Variants in GKAP1 observed in about 807,000 individuals in gnomAD.
The protein encoded by GKAP1 is G kinase-anchoring protein 1.
GKAP1 carries 31 observed loss-of-function variants against 56.7 expected under a neutral mutation model. The observed-to-expected ratio is 0.55, with a 90% CI of 0.41 to 0.74. The LOEUF is 0.74. Ranked by LOEUF, GKAP1 falls within the 30% of genes least tolerant of loss-of-function variation. GKAP1 has a pLI of 0.00. For missense variants in GKAP1, 364 were observed against 402.3 expected (o/e 0.90, Z 0.82); for synonymous variants, 151 against 138.6 (o/e 1.09, Z -0.63).
chr9:83,760,558 G>C (rs960212413), intron 8 of GKAP1, among the ~76,000 whole-genome samples: 1 of 152,104 alleles, frequency 6.6e-6, no homozygotes, highest in East Asian at 1.9e-4. Context: ...GACAGCTGCA[G>C]AATACACATT....
In GKAP1 at chr9:83,799,285, T is replaced by C; in HGVS notation, c.260A>G (p.His87Arg). 1 of 1,601,210 alleles carries C rather than the reference T, an allele frequency of 6.2e-7. No individual in the cohort carries two copies. The highest frequency in any genetic ancestry group is 1.8e-5 in the Admixed American group (1 of 56,230). The change falls in exon 4 of 13, where the codon CAT becomes CGT. Residue 87 changes from histidine (H) to arginine (R), a missense_variant. Coordinates refer to ENST00000376371, the MANE Select transcript of GKAP1 (RefSeq NM_025211.4). Reference sequence around the variant, plus strand: ...ATCATGTTGAGCGTTACAAACAGCATGGGAGGATTTCTGGGGAATTTTCTT... The same window carrying C: ...ATCATGTTGAGCGTTACAAACAGCACGGGAGGATTTCTGGGGAATTTTCTT... Reference protein sequence around the residue: ...AFKKIPQKSSHAVCNAQHDLP... With the variant: ...AFKKIPQKSSRAVCNAQHDLP...
chr9:83,800,165 G>C (rs1233605073), intron 3 of GKAP1, among the ~76,000 whole-genome samples: 1 of 151,870 alleles, frequency 6.6e-6, no homozygotes, highest in Non-Finnish European at 1.5e-5. Flanking sequence ...AATAATCTGA[G>C]ACAAAGTAGT....
At position 83,774,701 on chromosome 9, in the gene GKAP1, CCTTT is replaced by C. The variant is rs1474617949; in HGVS notation, c.585+5677_585+5680del. Among the ~76,000 whole-genome samples the C allele has an allele frequency of 5.9e-5, 6 of 100,940 alleles. No homozygotes were observed. In the East Asian group the frequency reaches 9.7e-4, roughly 16 times the overall value. 66.2% of individuals were successfully genotyped at this position (100,940 alleles called of 152,430 possible). On this transcript the variant is annotated intron_variant, in intron 7 of 12. Transcript: ENST00000376371. ...AGAAACTATCAATAAACAGAAACCCCCTTTTTTTTTTTTTTTTTTTTTTTTTTGA... is the reference window on the plus strand; with the variant it reads ...AGAAACTATCAATAAACAGAAACCCCTTTTTTTTTTTTTTTTTTTTTTTGA...
Position 83,753,336 on chromosome 9 carries a change from T to C in GKAP1, c.762A>G (p.Arg254=). Reference sequence around the variant, plus strand: ...CAAGCTCTAACTTTAGTCTTTCAATTCTTCCATCTTTCAGAACCACTTCCT... The same window carrying C: ...CAAGCTCTAACTTTAGTCTTTCAATCCTTCCATCTTTCAGAACCACTTCCT... ...HNQEVVLKDG[R]IERLKLELER... The change falls in exon 9 of 13, where the codon AGA becomes AGG. Residue 254 remains arginine (R), a synonymous_variant. Transcript: ENST00000376371. 6.2e-7 allele frequency: 1 copy of C among 1,606,448 alleles called. No individual in the cohort carries two copies. The highest frequency in any genetic ancestry group is 1.7e-5 in the Admixed American group (1 of 59,884).
At chr9:83,808,385 C>T (rs1944466806) in intron 2 of GKAP1, among the ~76,000 whole-genome samples, 1 of 152,076 alleles carries the variant, frequency 6.6e-6, no homozygotes, top group South Asian at 2.1e-4. Flanking sequence ...CACTGGAGGC[C>T]AGGAGTTCGA....
chr9:83,766,371 T>C (rs1943663515), intron 8 of GKAP1, among the ~76,000 whole-genome samples: 2 of 147,642 alleles, frequency 1.4e-5, no homozygotes, highest in African/African-American at 5.0e-5. Context: ...GGATTGTACA[T>C]AAAATTTGGA....
At chr9:83,801,396 G>GGTT (rs1554746172) in intron 3 of GKAP1, among the ~76,000 whole-genome samples, 1 of 50,934 alleles carries the variant, frequency 2.0e-5, no homozygotes, top group Non-Finnish European at 4.0e-5. Flanking sequence ...CCAAGTTTGT[G>GGTT]TTTTTTTTTT....
chr9:83,810,681 C>T (rs1366495492), intron 2 of GKAP1, among the ~76,000 whole-genome samples: 1 of 152,170 alleles, frequency 6.6e-6, no homozygotes, highest in Non-Finnish European at 1.5e-5. Flanking sequence ...TACTACTTAA[C>T]GTAAGTACTT....
intron 4 of GKAP1, among the ~76,000 whole-genome samples, chr9:83,794,271 C>T (rs1944208397): frequency 6.6e-6 from 1 of 152,162 alleles, no homozygotes; most frequent in Non-Finnish European, 1.5e-5. Context: ...AGCCAAGGGA[C>T]CTGTAGGAGT....
chr9:83,766,396 A>G lies in GKAP1; in HGVS notation c.738+2422T>C, dbSNP rs529963719. ...TAAAATTTGGAAGTTGAGGAAAGAC[A>G]GGAAAACAATTAAATTTAATTCAAT... On this transcript the variant is annotated intron_variant, in intron 8 of 12. Coordinates refer to ENST00000376371, the MANE Select transcript of GKAP1 (RefSeq NM_025211.4). Among the ~76,000 whole-genome samples, 4 of 77,744 alleles carry G rather than the reference A, an allele frequency of 5.1e-5. No individual in the cohort carries two copies. The East Asian group carries it at 1.7e-3, about 33-fold the overall frequency. The allele number at this position is 77,744 out of a possible 152,430, so 51.0% of individuals were successfully genotyped here. A position where few individuals can be genotyped will look rare whatever the true frequency, so the allele number is the denominator to read the frequency against.
intron 6 of GKAP1, among the ~76,000 whole-genome samples, chr9:83,780,785 A>G (rs113019045): frequency 0.014 from 2,101 of 152,326 alleles, 29 homozygotes; most frequent in South Asian, 0.034. Flanking sequence ...ACAGGTTACT[A>G]TAACTACAAA....
intron 5 of GKAP1, among the ~76,000 whole-genome samples, chr9:83,788,182 G>A (rs959021825): frequency 2.6e-5 from 4 of 152,204 alleles, no homozygotes; most frequent in African/African-American, 9.7e-5. Context: ...GGAGGCTGAG[G>A]CGTGAGAATC....
chr9:83,779,440 T>TACACAC (rs1417549993), intron 7 of GKAP1, among the ~76,000 whole-genome samples: 1 of 71,206 alleles, frequency 1.4e-5, no homozygotes, highest in East Asian at 4.9e-4. Context: ...TATATATATA[T>TACACAC]ATATATATAC....
intron 4 of GKAP1, among the ~76,000 whole-genome samples, chr9:83,790,650 A>C (rs1398275702): frequency 1.4e-5 from 1 of 71,282 alleles, no homozygotes; most frequent in Non-Finnish European, 3.5e-5. Context: ...ACAAAAAAAC[A>C]AACAAACAAA....
chr9:83,765,312 G>C (rs979473666), intron 8 of GKAP1, among the ~76,000 whole-genome samples: 1 of 152,224 alleles, frequency 6.6e-6, no homozygotes, highest in African/African-American at 2.4e-5. Flanking sequence ...TTCAGAGGAC[G>C]TATGGAAACT....
chr9:83,748,519 G>C (rs566248596), intron 9 of GKAP1, 147 bp from the exon 10 acceptor site: 1 of 483,722 alleles, frequency 2.1e-6, no homozygotes, highest in East Asian at 3.4e-5. Context: ...AAATGTATTC[G>C]GAACTATCTA....
At chr9:83,779,298 C>T (rs1460832414) in intron 7 of GKAP1, among the ~76,000 whole-genome samples, 2 of 151,380 alleles carry the variant, frequency 1.3e-5, no homozygotes, top group Non-Finnish European at 1.5e-5. Flanking sequence ...TGTTTGCATG[C>T]ATAGTTAGGA....
At chr9:83,773,205 A>T (rs1943792472) in intron 7 of GKAP1, among the ~76,000 whole-genome samples, 1 of 152,212 alleles carries the variant, frequency 6.6e-6, no homozygotes, top group African/African-American at 2.4e-5. Context: ...GGCTGAATTA[A>T]CTACTGCCAC....
chr9:83,773,341 G>C (rs1943794769), intron 7 of GKAP1, among the ~76,000 whole-genome samples: 1 of 152,156 alleles, frequency 6.6e-6, no homozygotes, highest in African/African-American at 2.4e-5. Flanking sequence ...ACAGAAAGTA[G>C]ATCAGTGGTT....
Sources: allele counts gnomAD v4.1 joint callset (sites outside exome capture counted in the v4.1 genomes callset), GRCh38; gene constraint gnomAD v4.1.1; transcripts MANE v1.5; gene names NCBI Gene and HGNC (gene_info 2026-07-23, HGNC 2026-07-21).